Variants in WDR90 observed in about 807,000 individuals in gnomAD.
WDR90 encodes WD repeat domain 90.
A neutral mutation model predicts 195.2 loss-of-function variants in WDR90; 238 were observed. The ratio of observed to expected loss-of-function variants is 1.22; its 90% CI spans 1.10 to 1.36. The LOEUF is 1.36. WDR90 is among the 40% of genes most tolerant of loss of function. WDR90 has a pLI of 0.00. For synonymous variants in WDR90, 1,265 were observed against 1,052.4 expected, an observed-to-expected ratio of 1.20 and a Z score of -3.91; for missense variants, 2,734 against 2,439.5, an observed-to-expected ratio of 1.12 and a Z score of -2.54.
In WDR90 at chr16:661,908, CCCA is replaced by C; in HGVS notation, c.3883_3885del (p.Pro1295del). ...TTTGCCAGGTGCGTCGAGAGCCAGT[CCCA>C]GAGGCAGTGGGGGCTGGAGAGCTGA... is the stretch of plus-strand genomic sequence containing the variant. On this transcript the variant is annotated inframe_deletion, in exon 32 of 41. Coordinates refer to ENST00000293879, the MANE Select transcript of WDR90 (RefSeq NM_145294.5). The C allele has an allele frequency of 1.2e-5, 20 of 1,609,834 alleles. No homozygotes were observed. The highest frequency in any genetic ancestry group is 1.7e-5 in the Non-Finnish European group (20 of 1,179,318).
chr16:660,510 C>T, intron 27 of WDR90, 102 bp from the exon 28 acceptor site: 4 of 1,226,080 alleles, frequency 3.3e-6, no homozygotes, highest in Non-Finnish European at 4.6e-6. Flanking sequence ...GTGTCCTCTG[C>T]AGCTGGCCTG....
chr16:655,177 G>T, intron 14 of WDR90, 30 bp downstream of exon 14: 1 of 1,612,382 alleles, frequency 6.2e-7, no homozygotes, highest in Non-Finnish European at 8.5e-7. Context: ...ACGATGTTGG[G>T]AGAGGGTCTG....
chr16:661,923 G>A lies in WDR90; in HGVS notation c.3897G>A (p.Gly1299=). The A allele has an allele frequency of 2.5e-6, 4 of 1,610,038 alleles. No individual in the cohort carries two copies. Among genetic ancestry groups the A allele is most frequent in the Non-Finnish European group, 3.4e-6 (4 of 1,179,810 alleles). The change falls in exon 32 of 41, where the codon GGG becomes GGA. Residue 1299 remains glycine (G), a synonymous_variant. Coordinates refer to ENST00000293879, the MANE Select transcript of WDR90 (RefSeq NM_145294.5). ...GAGAGCCAGTCCCAGAGGCAGTGGGGGCTGGAGAGCTGACCTCGCTCTGCT... is the reference window on the plus strand; with the variant it reads ...GAGAGCCAGTCCCAGAGGCAGTGGGAGCTGGAGAGCTGACCTCGCTCTGCT... The part of the protein sequence containing the change: ...VRREPVPEAV[G]AGELTSLCYG...
chr16:666,405 C>T lies in WDR90; in HGVS notation c.4741-50C>T, dbSNP rs2038046928. ...GGGCCTGGGTGCTGGTGGGGGCAGG[C>T]ACCATCTTGGCAGAAGGCACCTGTC... On this transcript the variant is annotated intron_variant, in intron 37 of 40. Transcript: ENST00000293879. 5 of 1,609,370 alleles carry T rather than the reference C, an allele frequency of 3.1e-6. No individual in the cohort carries two copies. In the Admixed American group the frequency reaches 5.0e-5, roughly 16 times the overall value.
At position 657,821 on chromosome 16, in the gene WDR90, G is replaced by A. The variant is rs1276515915; in HGVS notation, c.2533G>A (p.Gly845Ser). Residue 845 changes from glycine to serine, a missense_variant, in exon 21 of 41, where the codon GGC (glycine) becomes AGC (serine). Physicochemically the swap from Gly to Ser is moderately conservative, Grantham distance 56 (BLOSUM62 0). Coordinates refer to ENST00000293879, the MANE Select transcript of WDR90 (RefSeq NM_145294.5). ...SPSALAVSRDGRLLAFVGPSR... is the reference protein window; with the variant it reads ...SPSALAVSRDSRLLAFVGPSR... ...CAGCGCCCTGGCAGTCAGCAGGGAT[G>A]GCCGCCTGCTGGCCTTTGTGGGACC... 3.8e-6 allele frequency: 6 copies of A among 1,570,112 alleles called. No individual in the cohort carries two copies. Among genetic ancestry groups the A allele is most frequent in the South Asian group, 1.2e-5 (1 of 85,788 alleles).
rs150820893 is a variant in WDR90 at position 659,030 on chromosome 16, C to G, written c.3011+19C>G. The G allele has an allele frequency of 6.2e-7, 1 of 1,613,082 alleles. No individual in the cohort carries two copies. Among genetic ancestry groups the G allele is most frequent in the Admixed American group, 1.7e-5 (1 of 60,000 alleles). ...CTGAGAGGCAAGTGCCTACTCTCAG[C>G]TGTGTCTGCCTAGGCCCCCCAGGCC... On this transcript the variant is annotated intron_variant, in intron 24 of 40. Transcript: ENST00000293879.
At position 652,143 on chromosome 16, in the gene WDR90, T is replaced by TCCTCTTGTTCAG. The variant is rs1217921640; in HGVS notation, c.1053+109_1053+120dup. 5 of 1,320,602 alleles carry TCCTCTTGTTCAG rather than the reference T, an allele frequency of 3.8e-6. No individual in the cohort carries two copies. In the African/African-American group the frequency reaches 7.3e-5, roughly 19 times the overall value. 81.8% of individuals were successfully genotyped at this position (1,320,602 alleles called of 1,614,324 possible). A position where few individuals can be genotyped will look rare whatever the true frequency, so the allele number is the denominator to read the frequency against. On this transcript the variant is annotated intron_variant, in intron 9 of 40. Transcript: ENST00000293879. ...CAGAACGGATGTGCCTCCAACGGTC[T>TCCTCTTGTTCAG]CCTCTTGTTCAGCCTCCTGGCAAGG...
At chr16:661,206 G>A in intron 29 of WDR90, 34 bp downstream of exon 29, 2 of 1,519,844 alleles carry the variant, frequency 1.3e-6, no homozygotes, top group Non-Finnish European at 1.8e-6. Flanking sequence ...CCTCTCCCAG[G>A]GCCACCGTGC....
intron 34 of WDR90, chr16:663,158 C>T (rs1270386200): frequency 4.5e-6 from 2 of 446,520 alleles, no homozygotes; most frequent in African/African-American, 4.0e-5. Flanking sequence ...TCACATCAGT[C>T]CGGGCGTGGT....
rs773260025 is a variant in WDR90, at chr16:666,861, G to C, written c.5005-44G>C. 4 of 1,612,948 alleles carry C rather than the reference G, an allele frequency of 2.5e-6. No homozygotes were observed. The Admixed American group carries it at 6.7e-5, about 27-fold the overall frequency. On this transcript the variant is annotated intron_variant, in intron 39 of 40. Transcript: ENST00000293879. Reference sequence around the variant, plus strand: ...AGGGTGGTGGGTGGGGCCTGGCTGAGCCCTGAGCCCACAGGCCTGGAGCCT... The same window carrying C: ...AGGGTGGTGGGTGGGGCCTGGCTGACCCCTGAGCCCACAGGCCTGGAGCCT...
chr16:650,803 C>T (rs2037630283), intron 5 of WDR90, 94 bp downstream of exon 5: 1 of 1,530,608 alleles, frequency 6.5e-7, no homozygotes, highest in Non-Finnish European at 8.9e-7. Flanking sequence ...AAATACAGTG[C>T]TCGAGCTGTG....
chr16:663,110 G>T (rs1354743806), intron 34 of WDR90: 8 of 618,274 alleles, frequency 1.3e-5, no homozygotes, highest in South Asian at 1.1e-4. Flanking sequence ...GCGTTTTTTT[G>T]TTTGTTTGTT....
In WDR90 at chr16:650,171, CGGAGCCCGCGGCTGGGGGCTGCGTG is replaced by C. The variant is rs2037613568; in HGVS notation, c.279+12_279+36del. On this transcript the variant is annotated splice_donor_5th_base_variant and intron_variant, in intron 3 of 40. Transcript: ENST00000293879. ...CCACCTCGATGTGTCCTCCAAGGTACGGAGCCCGCGGCTGGGGGCTGCGTGGGAGCCCCGGCACCCCTGCGGCCCC... is the reference window on the plus strand; with the variant it reads ...CCACCTCGATGTGTCCTCCAAGGTACGGAGCCCCGGCACCCCTGCGGCCCC... 6.2e-7 allele frequency: 1 copy of C among 1,611,686 alleles called. No homozygotes were observed. The highest frequency in any genetic ancestry group is 1.3e-5 in the African/African-American group (1 of 74,924).
rs771235591 is a variant in WDR90, at chr16:665,818, C to CG, written c.4434+20dup. ...CTGAACCAGGTGTGTGGGGAGTGCC[C>CG]GGGCCGGGGGCGGGATGGGGGCCTG... On this transcript the variant is annotated intron_variant, in intron 35 of 40. Transcript: ENST00000293879. 37 of 1,469,486 alleles carry CG rather than the reference C, an allele frequency of 2.5e-5. No homozygotes were observed. Among genetic ancestry groups the CG allele is most frequent in the Non-Finnish European group, 3.3e-5 (36 of 1,105,872 alleles). 91.0% of individuals were successfully genotyped at this position (1,469,486 alleles called of 1,614,324 possible).
At chr16:663,295 G>A (rs1405713875) in intron 34 of WDR90, 24 of 338,772 alleles carry the variant, frequency 7.1e-5, no homozygotes, top group East Asian at 5.0e-4. Context: ...AAAATTAGCC[G>A]GGCCTCTTGA....
intron 7 of WDR90, 83 bp from the exon 8 acceptor site, chr16:651,561 C>A: frequency 7.2e-7 from 1 of 1,382,708 alleles, no homozygotes; most frequent in Non-Finnish European, 1.0e-6. Context: ...GGGCCACTTG[C>A]TGCTGCCCTC....
chr16:661,556 G>A (rs1684380369), intron 30 of WDR90, 41 bp from the exon 31 acceptor site: 7 of 1,578,744 alleles, frequency 4.4e-6, no homozygotes, highest in Non-Finnish European at 6.0e-6. Context: ...GGGGGGGGCT[G>A]CATCTGTGCA....
rs765888006 is a variant in WDR90, at chr16:652,490, G to A, written c.1077G>A (p.Leu359=). 9 of 1,610,592 alleles carry A rather than the reference G, an allele frequency of 5.6e-6. No individual in the cohort carries two copies. The Admixed American group carries it at 1.3e-4, about 24-fold the overall frequency. ...SCEGFLPDPV[L]RLKGVIGFGG... ...AGGGCTTCCTCCCAGACCCAGTCCT[G>A]AGGCTCAAGGGCGTCATCGGCTTTG... The change falls in exon 10 of 41, where the codon CTG becomes CTA. Residue 359 remains leucine (L), a synonymous_variant. Coordinates refer to ENST00000293879, the MANE Select transcript of WDR90 (RefSeq NM_145294.5).
chr16:658,956 G>A lies in WDR90; in HGVS notation c.2956G>A (p.Val986Ile), dbSNP rs746840383. 2.5e-6 allele frequency: 4 copies of A among 1,612,930 alleles called. No homozygotes were observed. Among genetic ancestry groups the A allele is most frequent in the South Asian group, 1.1e-5 (1 of 91,084 alleles). Residue 986 changes from valine to isoleucine, a missense_variant, in exon 24 of 41, where the codon GTC becomes ATC. Coordinates refer to ENST00000293879, the MANE Select transcript of WDR90 (RefSeq NM_145294.5). ...AVAFSPDQQQ[V>I]LSAGDAVFLW... Reference sequence around the variant, plus strand: ...GGCCTTCTCTCCTGACCAGCAGCAGGTCCTCAGCGCAGGGGACGCCGTCTT... The same window carrying A: ...GGCCTTCTCTCCTGACCAGCAGCAGATCCTCAGCGCAGGGGACGCCGTCTT...
Sources: allele counts gnomAD v4.1 joint callset, GRCh38; gene constraint gnomAD v4.1.1; transcripts MANE v1.5; gene names NCBI Gene and HGNC (gene_info 2026-07-23, HGNC 2026-07-21).